LYRM4: variants seen among roughly 807,000 people sequenced by gnomAD.
The protein encoded by LYRM4 is LYR motif containing 4.
LYRM4 carries 9 observed loss-of-function variants against 11.7 expected under a neutral mutation model. The observed-to-expected ratio is 0.77, with a 90% CI of 0.46 to 1.34. The LOEUF (loss-of-function observed/expected upper bound fraction) is 1.34, where lower values mean the gene tolerates loss of function less well. Among genes scored for constraint, LYRM4 ranks in the 40% most tolerant of loss-of-function variants. The probability of loss-of-function intolerance (pLI) is 0.00; values close to 1 mark genes in which losing one functional copy is unlikely to be tolerated. For synonymous variants in LYRM4, 42 were observed against 40.4 expected (o/e 1.04, Z -0.15); for missense variants, 133 against 112.5 (o/e 1.18, Z -0.82).
the LYRM4 span, among the ~76,000 whole-genome samples, chr6:5,045,262 C>A: frequency 1.3e-5 from 2 of 152,228 alleles, no homozygotes; most frequent in African/African-American, 2.4e-5. Flanking sequence ...TCCATCCATA[C>A]AATGAAATAT....
rs182594616 is a variant in LYRM4, at chr6:5,250,335, A to G, written c.86+10313T>C. On this transcript the variant is annotated intron_variant, in intron 1 of 2. Coordinates refer to ENST00000330636, the MANE Select transcript of LYRM4 (RefSeq NM_020408.6). ...AAATCAGCAATGACACGCAGATCTA[A>G]TAACTTTTTAACACTTTGCTTTAAT... Among the ~76,000 whole-genome samples, 259 of 152,314 alleles carry G rather than the reference A, an allele frequency of 1.7e-3. 1 individual carries two copies. The highest frequency in any genetic ancestry group is 3.2e-3 in the Non-Finnish European group (215 of 68,022).
chr6:5,196,562 G>A (rs114168641), intron 2 of LYRM4, among the ~76,000 whole-genome samples: 1,749 of 152,298 alleles, frequency 0.011, 32 homozygotes, highest in African/African-American at 0.04. Flanking sequence ...TCCTAAGAGT[G>A]CTCACTGTCC....
At chr6:5,063,163 C>T in the LYRM4 span, among the ~76,000 whole-genome samples, 7 of 152,116 alleles carry the variant, frequency 4.6e-5, no homozygotes, top group Non-Finnish European at 7.4e-5. Context: ...TTGAATGGGG[C>T]AAACTGGGCA....
chr6:5,190,532 G>A (rs921452748), intron 2 of LYRM4, among the ~76,000 whole-genome samples: 3 of 152,164 alleles, frequency 2.0e-5, no homozygotes, highest in Non-Finnish European at 4.4e-5. Context: ...CATGCAGAGC[G>A]TGATAACTTG....
downstream of LYRM4, chr6:5,104,665 C>A (rs146077121): frequency 6.6e-6 from 1 of 152,148 alleles, no homozygotes; most frequent in Non-Finnish European, 1.5e-5. Flanking sequence ...AAGATAAATT[C>A]ATCGAGTCTG....
intron 2 of LYRM4, chr6:5,113,445 GT>G (rs1189597610): frequency 2.9e-6 from 1 of 341,486 alleles, no homozygotes; most frequent in Non-Finnish European, 5.9e-6. Flanking sequence ...CAGGTGAGAG[GT>G]GATTCCAGCT....
intron 1 of LYRM4, among the ~76,000 whole-genome samples, chr6:5,256,946 G>C (rs550961986): frequency 6.6e-6 from 1 of 152,136 alleles, no homozygotes; most frequent in East Asian, 1.9e-4. Context: ...AATCATTCCA[G>C]TTCCAACAAT....
chr6:5,057,605 C>A, the LYRM4 span, among the ~76,000 whole-genome samples: 1 of 151,886 alleles, frequency 6.6e-6, no homozygotes, highest in South Asian at 2.1e-4. Flanking sequence ...ATCCCAGCTA[C>A]TCGGGAGGCT....
intron 1 of LYRM4, among the ~76,000 whole-genome samples, chr6:5,220,720 T>C (rs568467975): frequency 1.3e-5 from 2 of 152,310 alleles, no homozygotes; most frequent in Admixed American, 6.5e-5. Context: ...CATCTGACAA[T>C]ACTGTGTTGC....
At chr6:5,145,293 G>A (rs1398394156) in intron 2 of LYRM4, among the ~76,000 whole-genome samples, 1 of 152,196 alleles carries the variant, frequency 6.6e-6, no homozygotes, top group African/African-American at 2.4e-5. Flanking sequence ...GGTGAGTGGA[G>A]GAGCCGGCAG....
At chr6:5,257,576 C>T (rs904450621) in intron 1 of LYRM4, among the ~76,000 whole-genome samples, 19 of 152,212 alleles carry the variant, frequency 1.2e-4, no homozygotes, top group African/African-American at 4.1e-4. Context: ...AACCGGGCCA[C>T]ACAGCAGTTG....
the LYRM4 span, among the ~76,000 whole-genome samples, chr6:5,049,551 A>G: frequency 9.9e-5 from 15 of 152,174 alleles, no homozygotes; most frequent in Admixed American, 7.9e-4. Context: ...TAAGTTATTC[A>G]TTGTTTTAAC....
the LYRM4 span, among the ~76,000 whole-genome samples, chr6:5,035,857 A>C: frequency 1.5e-5 from 2 of 134,452 alleles, no homozygotes; most frequent in African/African-American, 5.7e-5. Flanking sequence ...GAGGTGGTGA[A>C]AAACAATACT....
intron 2 of LYRM4, among the ~76,000 whole-genome samples, chr6:5,176,375 T>A (rs1350694168): frequency 6.6e-6 from 1 of 152,208 alleles, no homozygotes; most frequent in East Asian, 1.9e-4. Context: ...CGCTATTAAA[T>A]TTTAAGGTGG....
At chr6:5,210,096 G>C (rs1333414501) in intron 2 of LYRM4, among the ~76,000 whole-genome samples, 1 of 152,030 alleles carries the variant, frequency 6.6e-6, no homozygotes, top group Admixed American at 6.5e-5. Flanking sequence ...AGAAGTCTTT[G>C]GAATCTATAA....
At chr6:5,071,446 C>G in the LYRM4 span, among the ~76,000 whole-genome samples, 10 of 152,142 alleles carry the variant, frequency 6.6e-5, no homozygotes, top group South Asian at 1.2e-3. Context: ...GCAAGCAGGG[C>G]TGGGACTCCG....
chr6:5,254,567 G>C (rs144094934), intron 1 of LYRM4, among the ~76,000 whole-genome samples: 19 of 152,296 alleles, frequency 1.2e-4, no homozygotes, highest in African/African-American at 4.3e-4. Flanking sequence ...ACTAGGAATA[G>C]AGATAAGACA....
intron 2 of LYRM4, among the ~76,000 whole-genome samples, chr6:5,142,353 A>G (rs1413964492): frequency 6.7e-6 from 1 of 149,206 alleles, no homozygotes; most frequent in Non-Finnish European, 1.5e-5. Context: ...CTCCTGGCTC[A>G]CAACTAGCAT....
intron 1 of LYRM4, among the ~76,000 whole-genome samples, chr6:5,251,686 C>T (rs932881713): frequency 1.3e-5 from 2 of 152,202 alleles, no homozygotes; most frequent in African/African-American, 2.4e-5. Context: ...ACCTCCAACA[C>T]GGGGGATTGC....
Sources: allele counts gnomAD v4.1 joint callset (sites outside exome capture counted in the v4.1 genomes callset), GRCh38; gene constraint gnomAD v4.1.1; transcripts MANE v1.5; gene names NCBI Gene and HGNC (gene_info 2026-07-23, HGNC 2026-07-21).